EPHB2: variants seen among roughly 807,000 people sequenced by gnomAD.
EPHB2 encodes the protein EPH receptor B2, also known as ephrin type-B receptor 2.
Under a neutral mutation model 96.4 loss-of-function variants are expected in EPHB2, and 18 were observed. The observed-to-expected ratio is 0.19, with a 90% confidence interval of 0.13 to 0.28. The LOEUF (loss-of-function observed/expected upper bound fraction) is 0.28. Among genes scored for constraint, EPHB2 ranks in the 10% least tolerant of loss-of-function variants. The pLI is 1.00. For synonymous variants in EPHB2, 506 were observed against 534.1 expected (o/e 0.95, Z 0.72); for missense variants, 989 against 1,355.4 (o/e 0.73, Z 4.25).
At chr1:22,768,510 G>C (rs1206165777) in intron 1 of EPHB2, among the ~76,000 whole-genome samples, 1 of 151,924 alleles carries the variant, frequency 6.6e-6, no homozygotes. Context: ...AACATAGCTA[G>C]ACCCCAGTCT....
At chr1:22,760,369 A>G (rs1427988941) in intron 1 of EPHB2, among the ~76,000 whole-genome samples, 2 of 152,136 alleles carry the variant, frequency 1.3e-5, no homozygotes, top group Non-Finnish European at 2.9e-5. Context: ...AATTCCACGC[A>G]TGGTAGTGGG....
chr1:22,745,738 G>A (rs1027939432), intron 1 of EPHB2, among the ~76,000 whole-genome samples: 6 of 152,102 alleles, frequency 3.9e-5, no homozygotes, highest in African/African-American at 1.4e-4. Context: ...AGCTCACGGT[G>A]GGCGCTTGGC....
intron 3 of EPHB2, among the ~76,000 whole-genome samples, chr1:22,859,415 T>C (rs1645758174): frequency 6.6e-6 from 1 of 152,020 alleles, no homozygotes; most frequent in South Asian, 2.1e-4. Context: ...GGGCTTCCCA[T>C]GTCTGCTTGG....
At chr1:22,760,222 C>T (rs891043833) in intron 1 of EPHB2, among the ~76,000 whole-genome samples, 1 of 151,958 alleles carries the variant, frequency 6.6e-6, no homozygotes, top group East Asian at 1.9e-4. Flanking sequence ...TAATTATCTC[C>T]CCGCATGGAG....
At chr1:22,755,543 A>G (rs1644135927) in intron 1 of EPHB2, among the ~76,000 whole-genome samples, 1 of 152,096 alleles carries the variant, frequency 6.6e-6, no homozygotes, top group Non-Finnish European at 1.5e-5. Flanking sequence ...GATAGTAGAC[A>G]AATGGTGAGG....
chr1:22,799,061 G>A (rs1185950016), intron 3 of EPHB2, among the ~76,000 whole-genome samples: 1 of 152,132 alleles, frequency 6.6e-6, no homozygotes, highest in Non-Finnish European at 1.5e-5. Context: ...ACCAGCCAGG[G>A]TGCATTGATT....
intron 6 of EPHB2, among the ~76,000 whole-genome samples, chr1:22,886,515 C>G (rs1002929969): frequency 6.6e-6 from 1 of 151,866 alleles, no homozygotes; most frequent in African/African-American, 2.4e-5. Context: ...CATGGAGACA[C>G]AGGGAGCGCC....
At chr1:22,715,816 GCAAACA>G (rs1643278110) in intron 1 of EPHB2, among the ~76,000 whole-genome samples, 1 of 152,182 alleles carries the variant, frequency 6.6e-6, no homozygotes, top group Non-Finnish European at 1.5e-5. Context: ...GCCTTCAGGC[GCAAACA>G]GACGTGAGTT....
intron 3 of EPHB2, among the ~76,000 whole-genome samples, chr1:22,822,862 A>G (rs1226693644): frequency 6.6e-6 from 1 of 152,080 alleles, no homozygotes; most frequent in Non-Finnish European, 1.5e-5. Flanking sequence ...ATGATAGAGG[A>G]CCCGTCCCAC....
intron 3 of EPHB2, among the ~76,000 whole-genome samples, chr1:22,819,199 G>A (rs1230401402): frequency 1.1e-5 from 1 of 90,288 alleles, no homozygotes; most frequent in African/African-American, 3.5e-5. Flanking sequence ...TGGTCGCCCA[G>A]CAGATGTCTC....
chr1:22,866,206 C>T (rs1424691299), intron 5 of EPHB2, among the ~76,000 whole-genome samples: 1 of 152,160 alleles, frequency 6.6e-6, no homozygotes, highest in Admixed American at 6.5e-5. Flanking sequence ...GTTATTCACT[C>T]AGCAACCTTT....
chr1:22,853,447 GCAGA>G (rs1645654019), intron 3 of EPHB2, among the ~76,000 whole-genome samples: 1 of 152,232 alleles, frequency 6.6e-6, no homozygotes, highest in Non-Finnish European at 1.5e-5. Context: ...CCTAGGAGAG[GCAGA>G]CAGTCACCAT....
chr1:22,724,128 G>C (rs1188762102), intron 1 of EPHB2, among the ~76,000 whole-genome samples: 1 of 152,182 alleles, frequency 6.6e-6, no homozygotes, highest in Non-Finnish European at 1.5e-5. Context: ...GTTGAAAGCA[G>C]AGTAAAACAC....
chr1:22,819,348 C>T (rs760354470), intron 3 of EPHB2, among the ~76,000 whole-genome samples: 58 of 152,126 alleles, frequency 3.8e-4, no homozygotes, highest in Non-Finnish European at 6.3e-4. Flanking sequence ...CCCTCCTTTC[C>T]CTTTCTGCCC....
chr1:22,820,750 A>T (rs543745805), intron 3 of EPHB2, among the ~76,000 whole-genome samples: 1 of 152,344 alleles, frequency 6.6e-6, no homozygotes, highest in East Asian at 1.9e-4. Context: ...ATGGGTTTAC[A>T]TAAATGTTTT....
At chr1:22,738,090 C>T (rs541173563) in intron 1 of EPHB2, among the ~76,000 whole-genome samples, 71 of 152,332 alleles carry the variant, frequency 4.7e-4, no homozygotes, top group African/African-American at 1.6e-3. Flanking sequence ...ACTAACTTAT[C>T]GCAGAGTTGA....
chr1:22,778,250 T>C (rs1459546274), intron 1 of EPHB2, among the ~76,000 whole-genome samples: 1 of 152,144 alleles, frequency 6.6e-6, no homozygotes, highest in African/African-American at 2.4e-5. Flanking sequence ...TGTCTCGAAC[T>C]CCTGACCTCA....
At chr1:22,889,087 C>T (rs6666706) in intron 6 of EPHB2, among the ~76,000 whole-genome samples, 58,466 of 151,904 alleles carry the variant, frequency 0.38, 13,161 homozygotes, top group Non-Finnish European at 0.51. Flanking sequence ...TCTGGGAGGT[C>T]GAGGCTGCAA....
chr1:22,776,839 G>A (rs1644460532), intron 1 of EPHB2, among the ~76,000 whole-genome samples: 1 of 152,216 alleles, frequency 6.6e-6, no homozygotes, highest in Non-Finnish European at 1.5e-5. Context: ...TAGTGGAGCA[G>A]AACACTGGCG....
Sources: allele counts gnomAD v4.1 joint callset (sites outside exome capture counted in the v4.1 genomes callset), GRCh38; gene constraint gnomAD v4.1.1; transcripts MANE v1.5; gene names NCBI Gene and HGNC (gene_info 2026-07-23, HGNC 2026-07-21).